The following RNF220 variants were observed in gnomAD, a reference collection of about 807,000 sequenced individuals.
RNF220 encodes the protein ring finger protein 220, also known as E3 ubiquitin-protein ligase RNF220.
Under a neutral mutation model 67.1 loss-of-function variants are expected in RNF220, and 7 were observed. The ratio of observed to expected loss-of-function variants is 0.10; its 90% confidence interval spans 0.06 to 0.20. The LOEUF (loss-of-function observed/expected upper bound fraction) is 0.20. Ranked by LOEUF, RNF220 falls within the 10% of genes least tolerant of loss-of-function variation. The pLI is 1.00. For synonymous variants in RNF220, 270 were observed against 283.2 expected, an observed-to-expected ratio of 0.95 and a Z score of 0.47; for missense variants, 565 against 740.3, an observed-to-expected ratio of 0.76 and a Z score of 2.75.
intron 2 of RNF220, among the ~76,000 whole-genome samples, chr1:44,425,549 G>C (rs1415028176): frequency 6.6e-6 from 1 of 152,106 alleles, no homozygotes; most frequent in South Asian, 2.1e-4. Context: ...AGTGGGAGGT[G>C]GTGACTAGAA....
intron 2 of RNF220, among the ~76,000 whole-genome samples, chr1:44,544,333 T>C (rs548585464): frequency 5.6e-4 from 85 of 152,334 alleles, no homozygotes; most frequent in Admixed American, 2.2e-3. Context: ...CAGACAGACC[T>C]GGGATCACCC....
intron 3 of RNF220, among the ~76,000 whole-genome samples, chr1:44,619,059 G>A (rs1043087111): frequency 2.0e-5 from 3 of 151,802 alleles, no homozygotes; most frequent in African/African-American, 7.2e-5. Context: ...CAGGGACATA[G>A]ATAGATGGGG....
chr1:44,426,590 G>A (rs1649798524), intron 2 of RNF220, among the ~76,000 whole-genome samples: 1 of 152,032 alleles, frequency 6.6e-6, no homozygotes. Flanking sequence ...AGTCAGGCAT[G>A]GTGGCACACA....
intron 2 of RNF220, among the ~76,000 whole-genome samples, chr1:44,461,001 T>C (rs368936006): frequency 6.6e-6 from 1 of 152,190 alleles, no homozygotes; most frequent in Non-Finnish European, 1.5e-5. Flanking sequence ...ACCTGCCCCA[T>C]AGAAGGAACC....
At chr1:44,503,061 C>T (rs183736593) in intron 2 of RNF220, among the ~76,000 whole-genome samples, 4 of 152,168 alleles carry the variant, frequency 2.6e-5, no homozygotes, top group African/African-American at 7.2e-5. Flanking sequence ...GGGCCAGGCG[C>T]AGTGGCTCAC....
chr1:44,489,230 A>T (rs190221090), intron 2 of RNF220, among the ~76,000 whole-genome samples: 1 of 152,316 alleles, frequency 6.6e-6, no homozygotes, highest in East Asian at 1.9e-4. Context: ...TGGAGCAAAA[A>T]AAGTTGTACC....
intron 2 of RNF220, among the ~76,000 whole-genome samples, chr1:44,578,104 T>C (rs1386418418): frequency 6.6e-6 from 1 of 151,178 alleles, no homozygotes; most frequent in African/African-American, 2.4e-5. Flanking sequence ...TCCAACCAGA[T>C]GAATGCAACT....
chr1:44,484,830 C>G (rs1656137775), intron 2 of RNF220, among the ~76,000 whole-genome samples: 1 of 152,158 alleles, frequency 6.6e-6, no homozygotes, highest in Non-Finnish European at 1.5e-5. Context: ...TTGTACTATC[C>G]TTGGGAGAAC....
At chr1:44,587,586 A>G (rs1665801378) in intron 2 of RNF220, among the ~76,000 whole-genome samples, 1 of 152,090 alleles carries the variant, frequency 6.6e-6, no homozygotes, top group South Asian at 2.1e-4. Context: ...GAGGGGGTGG[A>G]ATGGTCTCTC....
At chr1:44,442,985 T>C (rs1332721771) in intron 2 of RNF220, among the ~76,000 whole-genome samples, 2 of 152,206 alleles carry the variant, frequency 1.3e-5, no homozygotes, top group Non-Finnish European at 1.5e-5. Flanking sequence ...TCCACCCTCT[T>C]GCCTAGTGGA....
chr1:44,480,311 G>A (rs1655679003), intron 2 of RNF220, among the ~76,000 whole-genome samples: 1 of 152,186 alleles, frequency 6.6e-6, no homozygotes, highest in Non-Finnish European at 1.5e-5. Context: ...GGGGGCTGAG[G>A]TGGAAGGAAC....
chr1:44,509,915 GGAAA>G (rs977140059), intron 2 of RNF220, among the ~76,000 whole-genome samples: 1 of 138,266 alleles, frequency 7.2e-6, no homozygotes, highest in African/African-American at 2.7e-5. Context: ...AAGGAAGGAA[GGAAA>G]GAAAGAAAAG....
chr1:44,650,633 C>T lies in RNF220; in HGVS notation c.1630-71C>T, dbSNP rs1455736794. ...ACACTGGTGCAGAGAGACATGGCTG[C>T]AGGCCCAGGTGCTCACATGCGCACA... On this transcript the variant is annotated intron_variant, in intron 14 of 14. Transcript: ENST00000361799. This position sits in a 1 kb window ranked among gnomAD's most constrained non-coding sequence, Gnocchi z 4.3. 1.3e-6 allele frequency: 2 copies of T among 1,513,856 alleles called. No homozygotes were observed. The highest frequency in any genetic ancestry group is 1.7e-5 in the Admixed American group (1 of 59,452). 93.8% of individuals were successfully genotyped at this position (1,513,856 alleles called of 1,614,324 possible). A position where few individuals can be genotyped will look rare whatever the true frequency, so the allele number is the denominator to read the frequency against.
chr1:44,645,580 G>A lies in RNF220; in HGVS notation c.1445+92G>A. The A allele has an allele frequency of 1.5e-6, 2 of 1,329,284 alleles. No individual in the cohort carries two copies. Among genetic ancestry groups the A allele is most frequent in the Non-Finnish European group, 2.1e-6 (2 of 942,712 alleles). 82.3% of individuals were successfully genotyped at this position (1,329,284 alleles called of 1,614,324 possible). ...AGGAAGGCCTGCTGCCAGGGCTTCT[G>A]GCCCTCCCAAGTGCAGCTCAGTGCT... is the stretch of plus-strand genomic sequence containing the variant. On this transcript the variant is annotated intron_variant, in intron 12 of 14. Coordinates refer to ENST00000361799, the MANE Select transcript of RNF220 (RefSeq NM_018150.4). The surrounding 1 kb of genome is among the most constrained non-coding windows in gnomAD (Gnocchi z 5.0).
At chr1:44,589,871 G>T (rs1665991020) in intron 2 of RNF220, among the ~76,000 whole-genome samples, 1 of 152,160 alleles carries the variant, frequency 6.6e-6, no homozygotes, top group South Asian at 2.1e-4. Context: ...GACTCAAGGT[G>T]CTCGTGGTCT....
intron 2 of RNF220, among the ~76,000 whole-genome samples, chr1:44,518,990 A>G: frequency 6.6e-6 from 1 of 152,232 alleles, no homozygotes; most frequent in South Asian, 2.1e-4. Flanking sequence ...GTAGATGCTC[A>G]ATAAATAATG....
intron 8 of RNF220, 163 bp downstream of exon 8, chr1:44,636,325 C>T: frequency 4.7e-6 from 4 of 849,546 alleles, no homozygotes; most frequent in South Asian, 4.2e-5. Context: ...TGCTGCCTGC[C>T]TGTGATGTGC....
intron 2 of RNF220, chr1:44,419,179 TA>T (rs963749701): frequency 2.0e-4 from 30 of 152,254 alleles, no homozygotes; most frequent in African/African-American, 6.8e-4. Context: ...AAAATGCCTT[TA>T]AAAATTTTTT....
At chr1:44,626,686 T>C in intron 5 of RNF220, 1 of 379,786 alleles carries the variant, frequency 2.6e-6, no homozygotes, top group African/African-American at 2.1e-5. Context: ...CTATGGGGTT[T>C]GGTTTCATAA....
Sources: gnomAD v4.1 joint callset for allele counts (sites outside exome capture counted in the v4.1 genomes callset) on GRCh38, gnomAD v4.1.1 for gene constraint, Gnocchi (gnomAD v3.1) non-coding constraint, MANE v1.5 for transcripts, NCBI Gene and HGNC (gene_info 2026-07-23, HGNC 2026-07-21) for gene names.